NRXN1: variants seen among roughly 807,000 people sequenced by gnomAD.
The protein encoded by NRXN1 is neurexin 1, also known as neurexin-1.
Under a neutral mutation model 150.9 loss-of-function variants are expected in NRXN1, and 39 were observed. That is an observed-to-expected ratio of 0.26 (90% confidence interval 0.20 to 0.34). The LOEUF (loss-of-function observed/expected upper bound fraction) is 0.34, where lower values mean the gene tolerates loss of function less well. Among genes scored for constraint, NRXN1 ranks in the 10% least tolerant of loss-of-function variants. The probability of loss-of-function intolerance (pLI) is 1.00; values close to 1 mark genes in which losing one functional copy is unlikely to be tolerated. For missense variants in NRXN1, 1,815 were observed against 1,949.9 expected (o/e 0.93, Z 1.30); for synonymous variants, 924 against 757.0 (o/e 1.22, Z -3.62).
intron 3 of NRXN1, among the ~76,000 whole-genome samples, chr2:50,923,798 G>T (rs1050164829): frequency 1.3e-5 from 2 of 151,586 alleles, no homozygotes; most frequent in Non-Finnish European, 3.0e-5. Context: ...ATTACACATT[G>T]GTTTCATCAG....
chr2:49,996,104 T>A (rs574051277), intron 21 of NRXN1, among the ~76,000 whole-genome samples: 10 of 152,218 alleles, frequency 6.6e-5, no homozygotes, highest in African/African-American at 2.4e-4. Context: ...CCTTATGGTG[T>A]AGAAGGGGAG....
chr2:50,218,570 T>G (rs1184661214), intron 18 of NRXN1, among the ~76,000 whole-genome samples: 1 of 149,354 alleles, frequency 6.7e-6, no homozygotes, highest in African/African-American at 2.5e-5. Context: ...TATAGCCCCC[T>G]CCCCACCACA....
chr2:50,740,999 C>G (rs1260012582), intron 5 of NRXN1, among the ~76,000 whole-genome samples: 1 of 152,104 alleles, frequency 6.6e-6, no homozygotes, highest in Non-Finnish European at 1.5e-5. Context: ...AAATTAACTC[C>G]TACCACTAAA....
At chr2:50,670,349 T>C (rs1688663581) in intron 5 of NRXN1, among the ~76,000 whole-genome samples, 1 of 151,888 alleles carries the variant, frequency 6.6e-6, no homozygotes, top group African/African-American at 2.4e-5. Flanking sequence ...TTTAATGCTA[T>C]TTATTTTTAT....
At chr2:50,491,978 C>A (rs545680056) in intron 15 of NRXN1, among the ~76,000 whole-genome samples, 1 of 152,146 alleles carries the variant, frequency 6.6e-6, no homozygotes, top group Non-Finnish European at 1.5e-5. Flanking sequence ...ACAGTAACTT[C>A]AGTTAAATCT....
intron 18 of NRXN1, among the ~76,000 whole-genome samples, chr2:50,170,397 G>A (rs1265732206): frequency 1.3e-5 from 2 of 152,090 alleles, no homozygotes; most frequent in Admixed American, 6.6e-5. Flanking sequence ...CTGGATTCAA[G>A]CAATTCTCCT....
rs144586000 is a variant in NRXN1, at chr2:50,338,885, T to C, written c.3365-101915A>G. Among the ~76,000 whole-genome samples, 64 of 152,318 alleles carry C rather than the reference T, an allele frequency of 4.2e-4. 1 individual carries two copies. In the East Asian group the frequency reaches 4.4e-3, roughly 11 times the overall value. On this transcript the variant is annotated intron_variant, in intron 17 of 22. Transcript: ENST00000401669. ...TTATGCTCTGTAACTATCCACACTT[T>C]AGATTTTTCAGTCTTAACATAAAAT...
intron 21 of NRXN1, among the ~76,000 whole-genome samples, chr2:50,025,820 G>C (rs145196253): frequency 6.6e-6 from 1 of 152,248 alleles, no homozygotes; most frequent in East Asian, 1.9e-4. Context: ...TAGTAAATGA[G>C]AAAGCCAGGA....
At chr2:50,315,215 G>T (rs2075502280) in intron 17 of NRXN1, among the ~76,000 whole-genome samples, 2 of 151,836 alleles carry the variant, frequency 1.3e-5, no homozygotes, top group Admixed American at 1.3e-4. Flanking sequence ...AACAATTGAG[G>T]TTCTGGCAAC....
At position 50,610,659 on chromosome 2, in the gene NRXN1, A is replaced by C. The variant is rs929589871; in HGVS notation, c.1320+9363T>G. Among the ~76,000 whole-genome samples the C allele has an allele frequency of 4.0e-4, 48 of 120,110 alleles. 2 individuals carry two copies. Among genetic ancestry groups the C allele is most frequent in the Non-Finnish European group, 7.0e-4 (41 of 58,672 alleles). 78.8% of individuals were successfully genotyped at this position (120,110 alleles called of 152,430 possible). A position where few individuals can be genotyped will look rare whatever the true frequency, so the allele number is the denominator to read the frequency against. On this transcript the variant is annotated intron_variant, in intron 8 of 22. Transcript: ENST00000401669. Reference sequence around the variant, plus strand: ...AATAGATACATATATATATATATATATATATATATATATATATATCTGTAC... The same window carrying C: ...AATAGATACATATATATATATATATCTATATATATATATATATATCTGTAC...
At chr2:50,620,976 T>G (rs549279537) in intron 7 of NRXN1, 56 of 441,070 alleles carry the variant, frequency 1.3e-4, no homozygotes, top group African/African-American at 1.1e-3. Context: ...CACAGCTGGA[T>G]GCAAAACGTT....
chr2:50,627,139 C>T (rs547451482), intron 5 of NRXN1, among the ~76,000 whole-genome samples: 18 of 151,874 alleles, frequency 1.2e-4, no homozygotes, highest in African/African-American at 4.1e-4. Context: ...ACTGCTGATG[C>T]TGATAAGATA....
At chr2:50,499,763 C>A (rs992757904) in intron 13 of NRXN1, among the ~76,000 whole-genome samples, 1 of 151,860 alleles carries the variant, frequency 6.6e-6, no homozygotes, top group Admixed American at 6.6e-5. Flanking sequence ...GCCTGGCCAA[C>A]ATGGTGAAAC....
intron 17 of NRXN1, among the ~76,000 whole-genome samples, chr2:50,352,753 GATA>G (rs201046323): frequency 3.0e-4 from 25 of 83,780 alleles, no homozygotes; most frequent in Non-Finnish European, 4.0e-4. Context: ...TAAGAGCATT[GATA>G]ATAATAATAA....
chr2:50,562,187 C>T (rs1257347667), intron 8 of NRXN1, among the ~76,000 whole-genome samples: 1 of 152,152 alleles, frequency 6.6e-6, no homozygotes, highest in Non-Finnish European at 1.5e-5. Context: ...TCTCCAGCCT[C>T]ATAAGCTCAG....
intron 18 of NRXN1, among the ~76,000 whole-genome samples, chr2:50,206,014 G>C (rs113470535): frequency 6.6e-6 from 1 of 151,934 alleles, no homozygotes; most frequent in Non-Finnish European, 1.5e-5. Context: ...GCACAACTCC[G>C]TGAATATACT....
At chr2:50,123,990 G>A (rs886388178) in intron 18 of NRXN1, among the ~76,000 whole-genome samples, 3 of 152,100 alleles carry the variant, frequency 2.0e-5, no homozygotes, top group South Asian at 2.1e-4. Context: ...ATTAAAAGCC[G>A]TGAGAGAGAA....
chr2:51,000,686 AT>A (rs547690432), intron 2 of NRXN1, among the ~76,000 whole-genome samples: 43 of 151,956 alleles, frequency 2.8e-4, no homozygotes, highest in Non-Finnish European at 5.2e-4. Context: ...AGATGTTTTG[AT>A]TTTTTTTAAT....
At chr2:50,717,897 C>T (rs778266677) in intron 5 of NRXN1, among the ~76,000 whole-genome samples, 2 of 152,144 alleles carry the variant, frequency 1.3e-5, no homozygotes, top group African/African-American at 4.8e-5. Context: ...GAGGGTTTCA[C>T]TCTCATGATC....
Sources: allele counts gnomAD v4.1 joint callset (sites outside exome capture counted in the v4.1 genomes callset), GRCh38; gene constraint gnomAD v4.1.1; transcripts MANE v1.5; gene names NCBI Gene and HGNC (gene_info 2026-07-23, HGNC 2026-07-21).